RGS12: variants seen among roughly 807,000 people sequenced by gnomAD.
RGS12 encodes the protein regulator of G-protein signaling 12.
In RGS12, 66 loss-of-function variants were observed where a neutral mutation model predicts 120.1. The observed-to-expected ratio is 0.55, with a 90% CI of 0.45 to 0.67. The LOEUF is 0.67. Among genes scored for constraint, RGS12 ranks in the 30% least tolerant of loss-of-function variants. The pLI, the probability that RGS12 is intolerant of heterozygous loss-of-function variation, is 0.00. For synonymous variants in RGS12, 827 were observed against 804.7 expected, an observed-to-expected ratio of 1.03 and a Z score of -0.47; for missense variants, 1,859 against 1,957.7, an observed-to-expected ratio of 0.95 and a Z score of 0.95.
chr4:3,403,660 T>A (rs967148814), intron 4 of RGS12, among the ~76,000 whole-genome samples: 3 of 152,236 alleles, frequency 2.0e-5, no homozygotes, highest in Admixed American at 2.0e-4. Flanking sequence ...TTTGTTGAGA[T>A]GCAGAGCTGG....
intron 1 of RGS12, among the ~76,000 whole-genome samples, chr4:3,300,688 A>C (rs76792172): frequency 6.6e-6 from 1 of 152,106 alleles, no homozygotes; most frequent in African/African-American, 2.4e-5. Context: ...CGGCATTGCT[A>C]GGCTTGTGTT....
At chr4:3,417,720 TG>T in intron 9 of RGS12, 179 bp downstream of exon 9, 2 of 642,868 alleles carry the variant, frequency 3.1e-6, no homozygotes, top group Non-Finnish European at 5.3e-6. Flanking sequence ...GGACACGACC[TG>T]TCAGCCAGCC....
In RGS12 at chr4:3,389,869, C is replaced by T. The variant is rs1323416047; in HGVS notation, c.2020+3432C>T. ...CAAACACTCCGTTCTCGCAGCCTCA[C>T]CCTGGGGACCCCCGACACGTACTAG... On this transcript the variant is annotated intron_variant, in intron 4 of 17. Transcript: ENST00000336727. The surrounding 1 kb of genome is among the most constrained non-coding windows in gnomAD (Gnocchi z 5.2). Among the ~76,000 whole-genome samples the T allele has an allele frequency of 6.6e-6, 1 of 152,192 alleles. No individual in the cohort carries two copies. The highest frequency in any genetic ancestry group is 1.9e-4 in the East Asian group (1 of 5,196).
At chr4:3,428,765 C>T in intron 16 of RGS12, 54 bp downstream of exon 16, 1 of 1,439,994 alleles carries the variant, frequency 6.9e-7, no homozygotes, top group Non-Finnish European at 9.5e-7. Flanking sequence ...AGTTAGTTTC[C>T]AGTATAGTCA....
chr4:3,348,465 T>C (rs1156538508), intron 3 of RGS12, among the ~76,000 whole-genome samples: 1 of 152,182 alleles, frequency 6.6e-6, no homozygotes, highest in Non-Finnish European at 1.5e-5. Context: ...TGCCTGGAAG[T>C]AGAAGCTGAT....
intron 1 of RGS12, among the ~76,000 whole-genome samples, chr4:3,296,370 G>T (rs1372538515): frequency 6.1e-5 from 9 of 146,700 alleles, no homozygotes; most frequent in African/African-American, 1.8e-4. Context: ...TTTTTTTTTT[G>T]GTAGAGATGG....
At chr4:3,288,763 T>C (rs116825871), upstream of RGS12, among the ~76,000 whole-genome samples, 1,603 of 152,322 alleles carry the variant, frequency 0.011, 20 homozygotes, top group South Asian at 0.033. The surrounding 1 kb of genome is among the most constrained non-coding windows in gnomAD (Gnocchi z 5.2). Context: ...GAAGGGACTC[T>C]GGGCCTTTGC....
At position 3,414,743 on chromosome 4, in the gene RGS12, C is replaced by G. The variant is rs765500836; in HGVS notation, c.2191-9C>G. The stretch of plus-strand genomic sequence containing the variant: ...CAGTGTTAATAAATGGTGTCTTTGT[C>G]TTTCTTAGGATTTTCTAAGGAAAGA... On this transcript the variant is annotated splice_polypyrimidine_tract_variant and intron_variant, in intron 5 of 17. Coordinates refer to ENST00000336727, the MANE Select transcript of RGS12 (RefSeq NM_001394154.1). 2.0e-5 allele frequency: 32 copies of G among 1,589,074 alleles called. No homozygotes were observed. The highest frequency in any genetic ancestry group is 3.3e-4 in the Middle Eastern group (2 of 6,018).
chr4:3,386,359 T>C, intron 3 of RGS12, 57 bp from the exon 4 acceptor site: 1 of 1,547,302 alleles, frequency 6.5e-7, no homozygotes, highest in Non-Finnish European at 8.9e-7. Flanking sequence ...ACTTTTCGTT[T>C]CCTGGAGTTT....
rs139991245 is a variant in RGS12 at position 3,437,935 on chromosome 4, C to T, written c.4115-1520C>T. 2.6e-5 allele frequency among the ~76,000 whole-genome samples: 4 copies of T among 152,306 alleles called. No individual in the cohort carries two copies. In the East Asian group the frequency reaches 7.7e-4, roughly 29 times the overall value. ...TGGAGGCTGCTTCCGGAAGCTTGGA[C>T]TGAGGGTGAGGAGGGGCACGCTGGG... On this transcript the variant is annotated intron_variant, in intron 17 of 17. Coordinates refer to ENST00000336727, the MANE Select transcript of RGS12 (RefSeq NM_001394154.1).
Position 3,351,386 on chromosome 4 carries a change from A to G in RGS12, c.1998+8333A>G, listed in dbSNP as rs530678214. Among the ~76,000 whole-genome samples, 3 of 152,208 alleles carry G rather than the reference A, an allele frequency of 2.0e-5. No homozygotes were observed. The East Asian group carries it at 5.8e-4, about 29-fold the overall frequency. The stretch of plus-strand genomic sequence containing the variant: ...TTTGATCTGACAGCCCTTAGCTTAT[A>G]TAAACATTTATAAAGTTTTTTTTTT... On this transcript the variant is annotated intron_variant, in intron 3 of 17. Transcript: ENST00000336727.
At chr4:3,321,818 C>T (rs1370852882) in intron 2 of RGS12, among the ~76,000 whole-genome samples, 1 of 152,130 alleles carries the variant, frequency 6.6e-6, no homozygotes, top group Non-Finnish European at 1.5e-5. Flanking sequence ...CGCCCTTAGC[C>T]CTAGAACAAT....
chr4:3,401,450 C>G (rs1342342745), intron 4 of RGS12, among the ~76,000 whole-genome samples: 1 of 152,236 alleles, frequency 6.6e-6, no homozygotes, highest in Non-Finnish European at 1.5e-5. Context: ...CACTGTTTGT[C>G]ACAGTGTTCC....
chr4:3,355,475 T>TA (rs1345049579), intron 3 of RGS12, among the ~76,000 whole-genome samples: 1 of 152,110 alleles, frequency 6.6e-6, no homozygotes, highest in African/African-American at 2.4e-5. Context: ...ATGTGATTGT[T>TA]ACTGTTCTCA....
rs532114205 is a variant in RGS12 at position 3,438,414 on chromosome 4, G to T, written c.4115-1041G>T. Among the ~76,000 whole-genome samples the T allele has an allele frequency of 1.2e-4, 18 of 150,816 alleles. No homozygotes were observed. The South Asian group carries it at 3.2e-3, about 27-fold the overall frequency. ...GCGGGTCGGCAACGTCACCCCCACC[G>T]TACAGATGGGGGGGTGGGGTCAGTG... On this transcript the variant is annotated intron_variant, in intron 17 of 17. Transcript: ENST00000336727.
chr4:3,359,811 T>C (rs1578816593), intron 3 of RGS12, among the ~76,000 whole-genome samples: 2 of 151,668 alleles, frequency 1.3e-5, no homozygotes, highest in South Asian at 4.2e-4. Context: ...TTAGTAGAGA[T>C]AGGGTTTCGC....
chr4:3,330,433 GCTC>G (rs1711711320), intron 2 of RGS12, among the ~76,000 whole-genome samples: 2 of 152,280 alleles, frequency 1.3e-5, no homozygotes, highest in South Asian at 2.1e-4. Flanking sequence ...TGGACTACAG[GCTC>G]CTCCTCCTTG....
chr4:3,411,013 G>A (rs1366160761), intron 4 of RGS12, among the ~76,000 whole-genome samples: 19 of 152,262 alleles, frequency 1.2e-4, no homozygotes, highest in Non-Finnish European at 7.3e-5. Flanking sequence ...CACTGTATCA[G>A]TGTTGCCTTC....
At chr4:3,417,334 G>T in intron 8 of RGS12, 54 bp from the exon 9 acceptor site, 9 of 1,522,164 alleles carry the variant, frequency 5.9e-6, no homozygotes, top group Non-Finnish European at 8.0e-6. Flanking sequence ...TGCACTTAAC[G>T]TAATAGTAAA....
Sources: allele counts gnomAD v4.1 joint callset (sites outside exome capture counted in the v4.1 genomes callset), GRCh38; gene constraint gnomAD v4.1.1; non-coding constraint Gnocchi (gnomAD v3.1); transcripts MANE v1.5; gene names NCBI Gene and HGNC (gene_info 2026-07-23, HGNC 2026-07-21).